SCAF8: variants seen among roughly 807,000 people sequenced by gnomAD.
SCAF8 encodes SR-related CTD associated factor 8, also known as SR-related and CTD-associated factor 8.
In SCAF8, 23 loss-of-function variants were observed where a neutral mutation model predicts 140.5. The observed-to-expected ratio is 0.16, with a 90% CI of 0.12 to 0.23. The LOEUF (loss-of-function observed/expected upper bound fraction) is 0.23, where lower values mean the gene tolerates loss of function less well. Among genes scored for constraint, SCAF8 ranks in the 10% least tolerant of loss-of-function variants. The pLI, the probability that SCAF8 is intolerant of heterozygous loss-of-function variation, is 1.00. For missense variants in SCAF8, 1,397 were observed against 1,555.7 expected, an observed-to-expected ratio of 0.90 and a Z score of 1.72; for synonymous variants, 575 against 528.9, an observed-to-expected ratio of 1.09 and a Z score of -1.20.
At chr6:154,734,328 C>A (rs1778350474) in intron 1 of SCAF8, among the ~76,000 whole-genome samples, 1 of 152,220 alleles carries the variant, frequency 6.6e-6, no homozygotes, top group African/African-American at 2.4e-5. Context: ...ACTCTCCAGA[C>A]CTTCCCGGGT....
At chr6:154,756,173 A>G (rs1425256084) in intron 1 of SCAF8, among the ~76,000 whole-genome samples, 1 of 152,258 alleles carries the variant, frequency 6.6e-6, no homozygotes, top group Non-Finnish European at 1.5e-5. Flanking sequence ...TTTTGTGTAC[A>G]GTATTATTTC....
At chr6:154,738,223 C>A (rs1778478952) in intron 1 of SCAF8, among the ~76,000 whole-genome samples, 1 of 151,732 alleles carries the variant, frequency 6.6e-6, no homozygotes, top group South Asian at 2.1e-4. Context: ...AAGAAAACCC[C>A]AATAATACAG....
intron 1 of SCAF8, among the ~76,000 whole-genome samples, chr6:154,745,713 A>C (rs1384345563): frequency 6.6e-6 from 1 of 151,970 alleles, no homozygotes; most frequent in Non-Finnish European, 1.5e-5. Flanking sequence ...TCAAATTTTC[A>C]CCACTTGTTT....
chr6:154,796,353 T>TTCTCTCTCTCTCTC (rs532893908), intron 6 of SCAF8, among the ~76,000 whole-genome samples: 39 of 75,244 alleles, frequency 5.2e-4, no homozygotes, highest in Admixed American at 2.2e-3. Flanking sequence ...TGCAATCCTG[T>TTCTCTCTCTCTCTC]TCTCTCTCTC....
chr6:154,747,896 C>CTCTG (rs3221130), intron 1 of SCAF8, among the ~76,000 whole-genome samples: 2 of 144,642 alleles, frequency 1.4e-5, no homozygotes, highest in Admixed American at 7.0e-5. Context: ...CATTTCATTT[C>CTCTG]TGTGTGTGTG....
At chr6:154,774,809 A>G (rs1776871762) in intron 2 of SCAF8, among the ~76,000 whole-genome samples, 1 of 152,174 alleles carries the variant, frequency 6.6e-6, no homozygotes. Flanking sequence ...TCCTCTGGAG[A>G]AATAAACATA....
At chr6:154,741,714 A>T (rs1018945473) in intron 1 of SCAF8, among the ~76,000 whole-genome samples, 2 of 152,092 alleles carry the variant, frequency 1.3e-5, no homozygotes, top group South Asian at 4.1e-4. Context: ...GCCCGTTTGC[A>T]TCTTTTTCAG....
intron 1 of SCAF8, among the ~76,000 whole-genome samples, chr6:154,762,847 G>T (rs1299158345): frequency 6.6e-6 from 1 of 151,870 alleles, no homozygotes; most frequent in Non-Finnish European, 1.5e-5. Flanking sequence ...TTTAGTTGTG[G>T]TGGTTACCGT....
At chr6:154,810,646 CT>C (rs1234009942) in intron 12 of SCAF8, among the ~76,000 whole-genome samples, 1 of 152,152 alleles carries the variant, frequency 6.6e-6, no homozygotes, top group Non-Finnish European at 1.5e-5. Flanking sequence ...ATAATTCCTA[CT>C]GTACAAACCT....
intron 6 of SCAF8, among the ~76,000 whole-genome samples, chr6:154,798,519 G>A (rs1004859356): frequency 3.3e-5 from 5 of 151,210 alleles, no homozygotes; most frequent in Admixed American, 2.6e-4. Context: ...TCTTCCCTTT[G>A]TTCTTCATAT....
intron 15 of SCAF8, among the ~76,000 whole-genome samples, chr6:154,821,702 A>G (rs1778427012): frequency 6.6e-6 from 1 of 152,174 alleles, no homozygotes; most frequent in Non-Finnish European, 1.5e-5. Flanking sequence ...CAAAAATAAG[A>G]AGACCATTAT....
At position 154,824,229 on chromosome 6, in the gene SCAF8, A is replaced by C. The variant is rs774144590; in HGVS notation, c.1927-5A>C. On this transcript the variant is annotated splice_polypyrimidine_tract_variant and splice_region_variant and intron_variant, in intron 16 of 19. Transcript: ENST00000367178. The stretch of plus-strand genomic sequence containing the variant: ...TGAGTGAACTTTTTTGTCTATCCAC[A>C]AAAGATTCCAGTGGCGCCAGCCGTG... 4.3e-6 allele frequency: 7 copies of C among 1,613,428 alleles called. No individual in the cohort carries two copies. In the East Asian group the frequency reaches 1.3e-4, roughly 31 times the overall value.
chr6:154,830,920 A>G lies in SCAF8; in HGVS notation c.2141-2A>G. On this transcript the variant is annotated splice_acceptor_variant, in intron 18 of 19. Transcript: ENST00000367178. LOFTEE classifies it high-confidence loss of function. ...AAATATATTTTTCTCCTCTTTAAAC[A>G]GCTTTAGTGCAGCCGTCATTATCCA... 5 of 1,611,936 alleles carry G rather than the reference A, an allele frequency of 3.1e-6. No individual in the cohort carries two copies. The highest frequency in any genetic ancestry group is 4.2e-6 in the Non-Finnish European group (5 of 1,178,376).
At chr6:154,789,608 C>T (rs371628755) in intron 4 of SCAF8, among the ~76,000 whole-genome samples, 4 of 141,812 alleles carry the variant, frequency 2.8e-5, no homozygotes, top group Non-Finnish European at 4.6e-5. Flanking sequence ...TGCAGTGGTG[C>T]GACCTTGGCT....
chr6:154,795,138 A>G lies in SCAF8; in HGVS notation c.605A>G (p.Gln202Arg), dbSNP rs1777564068. 1.3e-6 allele frequency: 2 copies of G among 1,568,504 alleles called. No homozygotes were observed. The highest frequency in any genetic ancestry group is 1.6e-5 in the African/African-American group (1 of 62,506). The change falls in exon 6 of 20, where the codon CAG becomes CGG. Residue 202 changes from glutamine to arginine, a missense_variant and splice_region_variant. By Grantham distance (43) the Gln-to-Arg change is conservative (BLOSUM62 1). This residue lies in a region of SCAF8 where 339 missense variants were observed against 407.5 expected (regional missense o/e 0.83). Transcript: ENST00000367178. ...ATCTTGCAAAGTCCTCAAGGCCAGC[A>G]GGTGAGCGGTTTTTCTGTTATATCA... ...AQILQSPQGQ[Q>R]LQQLIQTLQI...
rs370005399 is a variant in SCAF8 at position 154,771,973 on chromosome 6, A to G, written c.31-2016A>G. ...ACGTTGTTCTTCAGGTGAGAGATTA[A>G]GGTAAATTGGACTGTGGTCATGGTA... On this transcript the variant is annotated intron_variant, in intron 1 of 19. Coordinates refer to ENST00000367178, the MANE Select transcript of SCAF8 (RefSeq NM_014892.5). Among the ~76,000 whole-genome samples, 463 of 152,340 alleles carry G rather than the reference A, an allele frequency of 3.0e-3. 6 individuals are homozygous for G. The highest frequency in any genetic ancestry group is 0.01 in the African/African-American group (432 of 41,578).
chr6:154,794,606 C>T lies in SCAF8; in HGVS notation c.476-403C>T, dbSNP rs574282414. Among the ~76,000 whole-genome samples the T allele has an allele frequency of 3.0e-3, 449 of 151,974 alleles. 4 individuals are homozygous for T. Among genetic ancestry groups the T allele is most frequent in the African/African-American group, 0.011 (436 of 41,450 alleles). On this transcript the variant is annotated intron_variant, in intron 5 of 19. Coordinates refer to ENST00000367178, the MANE Select transcript of SCAF8 (RefSeq NM_014892.5). ...AACCTTTATCATAGGTATATGTGTA[C>T]GTACAGAAAAAAACATAGCATATAT...
chr6:154,746,521 A>G (rs181168418), intron 1 of SCAF8, among the ~76,000 whole-genome samples: 256 of 152,320 alleles, frequency 1.7e-3, no homozygotes, highest in Non-Finnish European at 3.2e-3. Context: ...GGTTCGTTCT[A>G]GCTTTCCCTC....
intron 1 of SCAF8, among the ~76,000 whole-genome samples, chr6:154,770,515 G>C (rs1451444551): frequency 1.3e-5 from 2 of 151,798 alleles, no homozygotes; most frequent in African/African-American, 2.4e-5. Context: ...AGGCTGCAGT[G>C]ATCGGTGCTT....
Sources: allele counts gnomAD v4.1 joint callset (sites outside exome capture counted in the v4.1 genomes callset), GRCh38; gene constraint gnomAD v4.1.1; regional missense constraint gnomAD v4.1.1; transcripts MANE v1.5; gene names NCBI Gene and HGNC (gene_info 2026-07-23, HGNC 2026-07-21).